Variants in PPP1R9A observed in about 807,000 individuals in gnomAD.
PPP1R9A encodes the protein protein phosphatase 1 regulatory subunit 9A, also known as neurabin-1.
PPP1R9A carries 59 observed loss-of-function variants against 141.9 expected under a neutral mutation model. That is an observed-to-expected ratio of 0.42 (90% CI 0.34 to 0.52). PPP1R9A has a LOEUF of 0.52. Among genes scored for constraint, PPP1R9A ranks in the 20% least tolerant of loss-of-function variants. The probability of loss-of-function intolerance (pLI) is 0.10; values close to 1 mark genes in which losing one functional copy is unlikely to be tolerated. For missense variants in PPP1R9A, 1,444 were observed against 1,611.9 expected (o/e 0.90, Z 1.78); for synonymous variants, 500 against 569.7 (o/e 0.88, Z 1.74).
chr7:95,208,121 TA>T (rs1228513508), intron 7 of PPP1R9A, among the ~76,000 whole-genome samples: 1 of 152,182 alleles, frequency 6.6e-6, no homozygotes, highest in Non-Finnish European at 1.5e-5. Flanking sequence ...TCACATGCTT[TA>T]AAATGGAAAT....
At chr7:95,073,133 C>T (rs1428801836) in intron 2 of PPP1R9A, among the ~76,000 whole-genome samples, 2 of 150,274 alleles carry the variant, frequency 1.3e-5, no homozygotes, top group African/African-American at 4.9e-5. Context: ...TTATAGGCAT[C>T]CACCACCACA....
At chr7:94,999,205 T>C (rs1281929629) in intron 2 of PPP1R9A, among the ~76,000 whole-genome samples, 2 of 152,248 alleles carry the variant, frequency 1.3e-5, no homozygotes, top group Non-Finnish European at 2.9e-5. Flanking sequence ...AAGTTTCATA[T>C]TGAAGGAAGC....
chr7:95,215,913 T>G (rs1242358508), intron 7 of PPP1R9A, among the ~76,000 whole-genome samples: 1 of 152,220 alleles, frequency 6.6e-6, no homozygotes, highest in African/African-American at 2.4e-5. Flanking sequence ...TTTCTCCCAT[T>G]CTGTAGGTTG....
At chr7:94,952,320 A>G (rs1295903009) in intron 2 of PPP1R9A, among the ~76,000 whole-genome samples, 1 of 152,156 alleles carries the variant, frequency 6.6e-6, no homozygotes, top group Non-Finnish European at 1.5e-5. Flanking sequence ...TCCATGGTGT[A>G]TATGTGGCAC....
intron 7 of PPP1R9A, among the ~76,000 whole-genome samples, chr7:95,220,281 A>G (rs1794225728): frequency 6.6e-6 from 1 of 152,130 alleles, no homozygotes; most frequent in East Asian, 1.9e-4. Context: ...GGGAAGAAGC[A>G]GCTCTCCTTT....
intron 2 of PPP1R9A, among the ~76,000 whole-genome samples, chr7:95,013,717 G>T (rs1219237121): frequency 6.6e-6 from 1 of 152,036 alleles, no homozygotes; most frequent in African/African-American, 2.4e-5. Flanking sequence ...AGTTTGGTTT[G>T]CTACCAGTGC....
intron 2 of PPP1R9A, among the ~76,000 whole-genome samples, chr7:95,092,657 T>G (rs546264074): frequency 6.6e-6 from 1 of 152,332 alleles, no homozygotes; most frequent in South Asian, 2.1e-4. Flanking sequence ...TGCCAAATTT[T>G]GGAGATACAG....
At chr7:95,209,767 A>C (rs1408906637) in intron 7 of PPP1R9A, among the ~76,000 whole-genome samples, 1 of 152,196 alleles carries the variant, frequency 6.6e-6, no homozygotes, top group Non-Finnish European at 1.5e-5. Context: ...CAATTACACG[A>C]ATCAATTTTT....
intron 7 of PPP1R9A, among the ~76,000 whole-genome samples, chr7:95,205,916 A>C (rs1209282360): frequency 1.3e-5 from 2 of 152,176 alleles, no homozygotes; most frequent in Admixed American, 6.6e-5. Flanking sequence ...ATTTGCAAGA[A>C]GACCCTATCT....
At chr7:95,287,744 G>A (rs1349340949) in intron 18 of PPP1R9A, among the ~76,000 whole-genome samples, 2 of 152,078 alleles carry the variant, frequency 1.3e-5, no homozygotes, top group African/African-American at 4.8e-5. Context: ...GGAGTGCAGT[G>A]GCACAATCTT....
At chr7:95,014,082 A>G (rs1804776010) in intron 2 of PPP1R9A, among the ~76,000 whole-genome samples, 1 of 152,110 alleles carries the variant, frequency 6.6e-6, no homozygotes, top group Non-Finnish European at 1.5e-5. Context: ...AATCAGGAAC[A>G]TGGTCTAAAA....
chr7:95,119,355 A>G (rs1822108663), intron 3 of PPP1R9A, among the ~76,000 whole-genome samples: 1 of 152,260 alleles, frequency 6.6e-6, no homozygotes, highest in Non-Finnish European at 1.5e-5. Context: ...AAAAATGTGA[A>G]TACAGAATGG....
intron 4 of PPP1R9A, among the ~76,000 whole-genome samples, chr7:95,145,183 A>G (rs1293161700): frequency 6.6e-6 from 1 of 152,204 alleles, no homozygotes; most frequent in Non-Finnish European, 1.5e-5. Context: ...TGTAATAAAC[A>G]TTTCAAGTAT....
At chr7:95,162,395 A>G (rs1289641695) in intron 5 of PPP1R9A, among the ~76,000 whole-genome samples, 1 of 152,206 alleles carries the variant, frequency 6.6e-6, no homozygotes, top group African/African-American at 2.4e-5. Context: ...TTAAATGTAT[A>G]CATTCTTTTA....
At chr7:94,949,904 G>A (rs1388421162) in intron 2 of PPP1R9A, among the ~76,000 whole-genome samples, 3 of 145,478 alleles carry the variant, frequency 2.1e-5, no homozygotes, top group Non-Finnish European at 3.0e-5. Context: ...CAGTAAAACA[G>A]TTCTTTTTTT....
At chr7:95,254,764 T>TACTGG (rs1799350070) in intron 12 of PPP1R9A, among the ~76,000 whole-genome samples, 3 of 152,186 alleles carry the variant, frequency 2.0e-5, no homozygotes, top group Admixed American at 2.0e-4. Flanking sequence ...TCTTCATGTG[T>TACTGG]ACTCATGCTC....
intron 7 of PPP1R9A, among the ~76,000 whole-genome samples, chr7:95,208,956 TAAAAAAAA>T (rs10670515): frequency 1.3e-5 from 1 of 76,922 alleles, no homozygotes; most frequent in African/African-American, 5.4e-5. Flanking sequence ...ATAGCAAAAC[TAAAAAAAA>T]AAAAAAAAAA....
chr7:94,967,861 T>C (rs978210179), intron 2 of PPP1R9A, among the ~76,000 whole-genome samples: 1 of 152,198 alleles, frequency 6.6e-6, no homozygotes, highest in Non-Finnish European at 1.5e-5. Context: ...AAGTGCAATG[T>C]GGTTCTGAGA....
At chr7:95,144,705 A>G (rs1320780343) in intron 4 of PPP1R9A, among the ~76,000 whole-genome samples, 2 of 152,198 alleles carry the variant, frequency 1.3e-5, no homozygotes, top group East Asian at 1.9e-4. Context: ...CTTGCCACTT[A>G]TCAACATAGT....
Sources: allele counts gnomAD v4.1 joint callset (sites outside exome capture counted in the v4.1 genomes callset), GRCh38; gene constraint gnomAD v4.1.1; transcripts MANE v1.5; gene names NCBI Gene and HGNC (gene_info 2026-07-23, HGNC 2026-07-21).